The following SLC35F5 variants were observed in gnomAD, a reference collection of about 807,000 sequenced individuals.
SLC35F5 encodes the protein HCV NS5A-transactivated protein 3.
A neutral mutation model predicts 68.6 loss-of-function variants in SLC35F5; 54 were observed. The ratio of observed to expected loss-of-function variants is 0.79; its 90% confidence interval spans 0.63 to 0.99. The LOEUF (loss-of-function observed/expected upper bound fraction) is 0.99. Among genes scored for constraint, SLC35F5 ranks in the 50% least tolerant of loss-of-function variants. SLC35F5 has a pLI of 0.00. For synonymous variants in SLC35F5, 211 were observed against 205.2 expected (o/e 1.03, Z -0.24); for missense variants, 567 against 626.9 (o/e 0.90, Z 1.02).
chr2:113,731,647 T>A lies in SLC35F5; in HGVS notation c.922A>T (p.Ile308Phe). The change falls in exon 10 of 16, where the codon ATT (isoleucine) becomes TTT (phenylalanine). Residue 308 changes from isoleucine (I) to phenylalanine (F), a missense_variant and splice_region_variant. Coordinates refer to ENST00000245680, the MANE Select transcript of SLC35F5 (RefSeq NM_025181.5). ...LSKLLAVILS[I>F]GGVVLVNLAG... ...AGGTTTACCAGTACAACGCCTCCAA[T>A]GCTATGAGAATAACAGTCATTAATG... The A allele has an allele frequency of 6.2e-7, 1 of 1,612,108 alleles. No individual in the cohort carries two copies. The highest frequency in any genetic ancestry group is 8.5e-7 in the Non-Finnish European group (1 of 1,178,422).
At chr2:113,706,204 A>G (rs776919593), downstream of SLC35F5, among the ~76,000 whole-genome samples, 10 of 152,168 alleles carry the variant, frequency 6.6e-5, no homozygotes, top group Admixed American at 1.3e-4. Context: ...CCAGAGGGAT[A>G]CCACCAAGCT....
Position 113,755,557 on chromosome 2 carries a change from A to G in SLC35F5, c.41-13T>C. ...GAACTCAGCACCCCTAAAAACAACCATGAAATTATGCTATGAAAACGTGAA... is the reference window on the plus strand; with the variant it reads ...GAACTCAGCACCCCTAAAAACAACCGTGAAATTATGCTATGAAAACGTGAA... On this transcript the variant is annotated splice_polypyrimidine_tract_variant and intron_variant, in intron 1 of 15. Coordinates refer to ENST00000245680, the MANE Select transcript of SLC35F5 (RefSeq NM_025181.5). The G allele has an allele frequency of 6.2e-7, 1 of 1,606,870 alleles. No homozygotes were observed. The highest frequency in any genetic ancestry group is 8.5e-7 in the Non-Finnish European group (1 of 1,174,100).
At chr2:113,744,038 T>C in intron 5 of SLC35F5, 1 of 319,372 alleles carries the variant, frequency 3.1e-6, no homozygotes, top group Non-Finnish European at 5.7e-6. Context: ...TTATGATATC[T>C]AATATTTAAA....
At position 113,742,895 on chromosome 2, in the gene SLC35F5, A is replaced by T. The variant is rs1676340923; in HGVS notation, c.563-16T>A. The T allele has an allele frequency of 1.9e-6, 3 of 1,590,074 alleles. No individual in the cohort carries two copies. The highest frequency in any genetic ancestry group is 1.7e-6 in the Non-Finnish European group (2 of 1,165,616). On this transcript the variant is annotated splice_polypyrimidine_tract_variant and intron_variant, in intron 6 of 15. Coordinates refer to ENST00000245680, the MANE Select transcript of SLC35F5 (RefSeq NM_025181.5). The stretch of plus-strand genomic sequence containing the variant: ...TTTTTGGGGGCTTAAAAGGAAGAGC[A>T]TAATATGAAATAATTAAATAATTCC...
In SLC35F5 at chr2:113,708,767, T is replaced by C. The variant is rs1010519721; in HGVS notation, c.*6451A>G. On this transcript the variant is annotated 3_prime_UTR_variant, in exon 16 of 16. Transcript: ENST00000245680. Reference sequence around the variant, plus strand: ...ATTACATGCTATAGTAAATTAATCATACACTCAAAATTTTAGCTTGGATTT... The same window carrying C: ...ATTACATGCTATAGTAAATTAATCACACACTCAAAATTTTAGCTTGGATTT... Among the ~76,000 whole-genome samples the C allele has an allele frequency of 3.9e-5, 6 of 152,274 alleles. No individual in the cohort carries two copies. The South Asian group carries it at 1.2e-3, about 32-fold the overall frequency.
intron 3 of SLC35F5, among the ~76,000 whole-genome samples, chr2:113,754,269 G>A (rs764240030): frequency 1.4e-5 from 2 of 140,262 alleles, no homozygotes; most frequent in Admixed American, 7.6e-5. Context: ...CAGCCTGGGC[G>A]ACAGAGCAGA....
chr2:113,719,419 G>A, intron 13 of SLC35F5, 111 bp from the exon 14 acceptor site: 1 of 940,580 alleles, frequency 1.1e-6, no homozygotes, highest in East Asian at 2.7e-5. Context: ...AGAACAATGG[G>A]AAGACAAAAT....
chr2:113,719,198 G>A lies in SLC35F5; in HGVS notation c.1452C>T (p.Ile484=). The change falls in exon 14 of 16, where the codon ATC becomes ATT. Residue 484 remains isoleucine, a synonymous_variant. Coordinates refer to ENST00000245680, the MANE Select transcript of SLC35F5 (RefSeq NM_025181.5). The part of the protein sequence containing the change: ...YNNWDPVMVG[I]RRIFAFICRK... ...TGCATATAAAAGCAAATATTCTTCT[G>A]ATTCCCACCATCACAGGATCCCAAT... The A allele has an allele frequency of 6.2e-7, 1 of 1,607,540 alleles. No individual in the cohort carries two copies. Among genetic ancestry groups the A allele is most frequent in the South Asian group, 1.1e-5 (1 of 89,644 alleles).
chr2:113,726,836 T>C (rs1002557273), intron 11 of SLC35F5, among the ~76,000 whole-genome samples: 2 of 152,226 alleles, frequency 1.3e-5, no homozygotes, highest in South Asian at 4.1e-4. Flanking sequence ...ACCTCAGTTA[T>C]ACTTGTGCGC....
At position 113,714,358 on chromosome 2, in the gene SLC35F5, G is replaced by T; in HGVS notation, c.*860C>A. 1 of 152,034 alleles carries T rather than the reference G, an allele frequency of 6.6e-6. No homozygotes were observed. The allele number at this position is 152,034 out of a possible 1,614,324, so 9.4% of individuals were successfully genotyped here. ...ATACATCTACAATACACAAATAGACGTATAAACATTGTATTTTAATAATAC... is the reference window on the plus strand; with the variant it reads ...ATACATCTACAATACACAAATAGACTTATAAACATTGTATTTTAATAATAC... On this transcript the variant is annotated 3_prime_UTR_variant, in exon 16 of 16. Coordinates refer to ENST00000245680, the MANE Select transcript of SLC35F5 (RefSeq NM_025181.5).
intron 15 of SLC35F5, among the ~76,000 whole-genome samples, chr2:113,716,782 C>T (rs1344112830): frequency 6.6e-6 from 1 of 152,242 alleles, no homozygotes; most frequent in East Asian, 1.9e-4. Flanking sequence ...TACAAAAAGT[C>T]TTGGAGAACT....
At chr2:113,751,592 T>C (rs940088485) in intron 3 of SLC35F5, among the ~76,000 whole-genome samples, 3 of 151,858 alleles carry the variant, frequency 2.0e-5, no homozygotes, top group Admixed American at 6.6e-5. Context: ...GGTGGATCAC[T>C]TGAAGTCAGG....
chr2:113,708,147 G>A lies in SLC35F5; in HGVS notation c.*7071C>T, dbSNP rs566585157. Among the ~76,000 whole-genome samples the A allele has an allele frequency of 6.6e-6, 1 of 152,242 alleles. No homozygotes were observed. Among genetic ancestry groups the A allele is most frequent in the Admixed American group, 6.5e-5 (1 of 15,298 alleles). On this transcript the variant is annotated 3_prime_UTR_variant, in exon 16 of 16. Transcript: ENST00000245680. The stretch of plus-strand genomic sequence containing the variant: ...TCAGCAGTTTAAGACCATTCTGGAT[G>A]AATGCAAATGCTTGATTCAATTTTC...
chr2:113,718,863 G>GA (rs1331231113), intron 14 of SLC35F5, among the ~76,000 whole-genome samples: 200 of 93,472 alleles, frequency 2.1e-3, no homozygotes, highest in African/African-American at 6.7e-3. Flanking sequence ...GAGAGAGAAA[G>GA]AAAAAGAAAG....
chr2:113,747,588 T>A (rs1676547745), intron 4 of SLC35F5, among the ~76,000 whole-genome samples: 1 of 152,050 alleles, frequency 6.6e-6, no homozygotes, highest in Non-Finnish European at 1.5e-5. Flanking sequence ...CCAAAAAATA[T>A]ATGAAAAAGT....
chr2:113,756,177 CT>C, intron 1 of SLC35F5, 192 bp downstream of exon 1: 1 of 1,463,656 alleles, frequency 6.8e-7, no homozygotes, highest in East Asian at 2.5e-5. Flanking sequence ...GCACGCACGG[CT>C]TCCTCAATTG....
At chr2:113,704,721 A>G (rs1051498161), downstream of SLC35F5, among the ~76,000 whole-genome samples, 3 of 151,732 alleles carry the variant, frequency 2.0e-5, no homozygotes, top group African/African-American at 7.3e-5. Flanking sequence ...CCGAGCCCAC[A>G]CCCACCCAGA....
intron 5 of SLC35F5, 25 bp from the exon 6 acceptor site, chr2:113,743,819 AAAC>A: frequency 6.4e-7 from 1 of 1,553,556 alleles, no homozygotes; most frequent in Non-Finnish European, 8.8e-7. Context: ...AAAAAAATAT[AAAC>A]AACAAATATA....
At position 113,756,612 on chromosome 2, in the gene SLC35F5, G is replaced by A. The variant is rs1180230929; in HGVS notation, c.-203C>T. 2.2e-6 allele frequency: 3 copies of A among 1,359,166 alleles called. No homozygotes were observed. Among genetic ancestry groups the A allele is most frequent in the East Asian group, 2.8e-5 (1 of 36,276 alleles). 84.2% of individuals were successfully genotyped at this position (1,359,166 alleles called of 1,614,324 possible). A position where few individuals can be genotyped will look rare whatever the true frequency, so the allele number is the denominator to read the frequency against. Reference sequence around the variant, plus strand: ...GCGGGTGAGGGGAAGGGACGGCACAGTCAGCTATGGCCGCGGAGGCCCGGA... The same window carrying A: ...GCGGGTGAGGGGAAGGGACGGCACAATCAGCTATGGCCGCGGAGGCCCGGA... On this transcript the variant is annotated 5_prime_UTR_variant, in exon 1 of 16. Coordinates refer to ENST00000245680, the MANE Select transcript of SLC35F5 (RefSeq NM_025181.5).
Sources: gnomAD v4.1 joint callset for allele counts (sites outside exome capture counted in the v4.1 genomes callset) on GRCh38, gnomAD v4.1.1 for gene constraint, MANE v1.5 for transcripts, NCBI Gene and HGNC (gene_info 2026-07-23, HGNC 2026-07-21) for gene names.